Variants in RAD51B observed in about 807,000 individuals in gnomAD.
RAD51B encodes DNA repair protein RAD51 homolog 2.
In RAD51B, 38 loss-of-function variants were observed where a neutral mutation model predicts 42.2. That is an observed-to-expected ratio of 0.90 (90% confidence interval 0.70 to 1.18). RAD51B has a LOEUF of 1.18. Among genes scored for constraint, RAD51B ranks in the 50% most tolerant of loss-of-function variants. RAD51B has a pLI of 0.00. For synonymous variants in RAD51B, 154 were observed against 145.2 expected (o/e 1.06, Z -0.43); for missense variants, 373 against 400.7 (o/e 0.93, Z 0.59).
At chr14:67,833,311 G>A (rs192867224) in intron 3 of RAD51B, among the ~76,000 whole-genome samples, 5 of 152,336 alleles carry the variant, frequency 3.3e-5, no homozygotes, top group Middle Eastern at 3.4e-3. Context: ...AGGAAGTGGA[G>A]GTTGTAGTGA....
chr14:67,896,511 C>A (rs1257472906), intron 7 of RAD51B, among the ~76,000 whole-genome samples: 1 of 152,142 alleles, frequency 6.6e-6, no homozygotes, highest in Non-Finnish European at 1.5e-5. Context: ...GTAATGCCTT[C>A]TTTAGAAGTT....
chr14:68,364,750 G>T lies in RAD51B; in HGVS notation c.854-46674G>T, dbSNP rs534057958. ...GTTTGTTTTTTCAGAAAATCCTCTT[G>T]CACGTAGTTCCAGTGTGAAGTACTC... On this transcript the variant is annotated intron_variant, in intron 8 of 10. Transcript: ENST00000471583. 5.3e-5 allele frequency among the ~76,000 whole-genome samples: 8 copies of T among 152,302 alleles called. 1 individual carries two copies. The South Asian group carries it at 1.7e-3, about 32-fold the overall frequency.
chr14:67,958,355 G>A (rs375357966), intron 7 of RAD51B, among the ~76,000 whole-genome samples: 65 of 152,278 alleles, frequency 4.3e-4, no homozygotes, highest in Non-Finnish European at 7.6e-4. Flanking sequence ...TTACTTTTGA[G>A]TGCTTAGCCT....
At chr14:67,840,134 T>G (rs2041375178) in intron 4 of RAD51B, among the ~76,000 whole-genome samples, 1 of 152,184 alleles carries the variant, frequency 6.6e-6, no homozygotes, top group African/African-American at 2.4e-5. Flanking sequence ...TTGGGTGCCC[T>G]ATTTTATTTT....
intron 10 of RAD51B, among the ~76,000 whole-genome samples, chr14:68,570,045 G>A (rs947575503): frequency 6.6e-6 from 1 of 152,220 alleles, no homozygotes; most frequent in African/African-American, 2.4e-5. Flanking sequence ...TTCCTGACAG[G>A]CTCATTTTGT....
chr14:68,385,932 ATTGT>A (rs922451431), intron 8 of RAD51B, among the ~76,000 whole-genome samples: 4 of 152,186 alleles, frequency 2.6e-5, no homozygotes, highest in South Asian at 2.1e-4. Flanking sequence ...GCACTGAGAG[ATTGT>A]TTGTTCAAAG....
intron 4 of RAD51B, among the ~76,000 whole-genome samples, chr14:67,837,158 C>T (rs187980937): frequency 1.3e-5 from 2 of 150,084 alleles, no homozygotes; most frequent in East Asian, 3.9e-4. Flanking sequence ...CACACACATA[C>T]ACACACACAC....
chr14:68,025,890 T>C (rs1261489055), intron 7 of RAD51B, among the ~76,000 whole-genome samples: 4 of 152,246 alleles, frequency 2.6e-5, no homozygotes, highest in African/African-American at 9.6e-5. Context: ...TTTAGTTATT[T>C]CTTTTTTTCT....
intron 7 of RAD51B, among the ~76,000 whole-genome samples, chr14:68,092,338 A>G (rs1269483012): frequency 6.6e-6 from 1 of 152,170 alleles, no homozygotes; most frequent in African/African-American, 2.4e-5. Flanking sequence ...TCAGCATGGA[A>G]TGTTCTTCCA....
At chr14:67,953,006 T>C (rs940742225) in intron 7 of RAD51B, among the ~76,000 whole-genome samples, 1 of 152,122 alleles carries the variant, frequency 6.6e-6, no homozygotes, top group African/African-American at 2.4e-5. Flanking sequence ...ATTCTAGTCC[T>C]GTCTAGTACA....
intron 7 of RAD51B, among the ~76,000 whole-genome samples, chr14:68,090,609 T>A (rs940152805): frequency 2.0e-5 from 3 of 151,896 alleles, no homozygotes; most frequent in Non-Finnish European, 4.4e-5. Context: ...ATACCCTAAT[T>A]TTTTACAGAA....
chr14:68,169,774 C>A (rs1020287374), intron 7 of RAD51B, among the ~76,000 whole-genome samples: 1 of 151,926 alleles, frequency 6.6e-6, no homozygotes, highest in Non-Finnish European at 1.5e-5. Context: ...ATCTGATGGG[C>A]GTATTTTGAA....
At chr14:68,419,217 A>T (rs916159961) in intron 9 of RAD51B, among the ~76,000 whole-genome samples, 5 of 152,198 alleles carry the variant, frequency 3.3e-5, no homozygotes, top group Admixed American at 6.5e-5. Context: ...ATTCAGGGTC[A>T]CACAACTAGT....
intron 7 of RAD51B, among the ~76,000 whole-genome samples, chr14:68,266,609 C>T (rs1803410739): frequency 6.6e-6 from 1 of 152,184 alleles, no homozygotes; most frequent in South Asian, 2.1e-4. Flanking sequence ...TGGGGGTATC[C>T]TGTTCTAAGC....
At chr14:68,318,374 T>C (rs2082099553) in intron 8 of RAD51B, among the ~76,000 whole-genome samples, 1 of 152,150 alleles carries the variant, frequency 6.6e-6, no homozygotes, top group Admixed American at 6.5e-5. Flanking sequence ...CCTTAGGAAA[T>C]GAATAGGAGG....
At chr14:68,469,737 T>G (rs1418080846) in intron 10 of RAD51B, among the ~76,000 whole-genome samples, 1 of 152,192 alleles carries the variant, frequency 6.6e-6, no homozygotes, top group East Asian at 1.9e-4. Context: ...AGAAGTATAG[T>G]AAGTAGCAAA....
intron 10 of RAD51B, among the ~76,000 whole-genome samples, chr14:68,623,796 G>A (rs1016080680): frequency 3.3e-5 from 5 of 152,218 alleles, no homozygotes; most frequent in Admixed American, 6.5e-5. Context: ...GGGCCGGTAA[G>A]GCTTTGTGTT....
chr14:68,277,110 C>G (rs548399738), intron 7 of RAD51B, among the ~76,000 whole-genome samples: 1 of 152,182 alleles, frequency 6.6e-6, no homozygotes, highest in African/African-American at 2.4e-5. Context: ...GTATGGGTTT[C>G]TCTCACTTCT....
At chr14:67,935,191 G>C (rs1185284796) in intron 7 of RAD51B, among the ~76,000 whole-genome samples, 1 of 152,154 alleles carries the variant, frequency 6.6e-6, no homozygotes, top group Non-Finnish European at 1.5e-5. Context: ...TTTGGAGAGA[G>C]TTAATTTTTG....
Sources: allele counts gnomAD v4.1 joint callset (sites outside exome capture counted in the v4.1 genomes callset), GRCh38; gene constraint gnomAD v4.1.1; transcripts MANE v1.5; gene names NCBI Gene and HGNC (gene_info 2026-07-23, HGNC 2026-07-21).